Variants in NCAM2 observed in about 807,000 individuals in gnomAD.
NCAM2 encodes N-CAM-2.
A neutral mutation model predicts 98.1 loss-of-function variants in NCAM2; 30 were observed. The ratio of observed to expected loss-of-function variants is 0.31; its 90% confidence interval spans 0.23 to 0.41. The LOEUF (loss-of-function observed/expected upper bound fraction) is 0.41, where lower values mean the gene tolerates loss of function less well. Among genes scored for constraint, NCAM2 ranks in the 10% least tolerant of loss-of-function variants. The pLI is 1.00. For missense variants in NCAM2, 867 were observed against 1,005.8 expected (o/e 0.86, Z 1.87); for synonymous variants, 368 against 342.4 (o/e 1.07, Z -0.83).
chr21:21,181,558 A>G (rs1185843618), intron 1 of NCAM2, among the ~76,000 whole-genome samples: 2 of 152,272 alleles, frequency 1.3e-5, no homozygotes, highest in East Asian at 1.9e-4. Context: ...GAATGTGCCT[A>G]TGACTGATGG....
chr21:21,172,364 T>A (rs1415550357), intron 1 of NCAM2, among the ~76,000 whole-genome samples: 1 of 152,156 alleles, frequency 6.6e-6, no homozygotes, highest in Non-Finnish European at 1.5e-5. Flanking sequence ...ATGTGTTTCA[T>A]TTTGACCTAA....
intron 1 of NCAM2, among the ~76,000 whole-genome samples, chr21:21,112,177 C>T (rs374617692): frequency 4.6e-5 from 7 of 152,148 alleles, no homozygotes; most frequent in Admixed American, 1.3e-4. Flanking sequence ...CTTTTTAAAA[C>T]GGCATAATAT....
chr21:21,278,791 T>A (rs1418835571), intron 1 of NCAM2, among the ~76,000 whole-genome samples: 5 of 152,218 alleles, frequency 3.3e-5, no homozygotes. Context: ...ACCAGGGTTT[T>A]ATTTATTTAT....
intron 12 of NCAM2, among the ~76,000 whole-genome samples, chr21:21,440,155 G>A (rs1979021714): frequency 6.6e-6 from 1 of 152,106 alleles, no homozygotes; most frequent in South Asian, 2.1e-4. Flanking sequence ...TTTAAAAAAT[G>A]TGTCATTAAA....
chr21:21,335,319 T>C (rs1193588485), intron 6 of NCAM2, among the ~76,000 whole-genome samples, 186 bp from the exon 7 acceptor site: 1 of 152,160 alleles, frequency 6.6e-6, no homozygotes, highest in Non-Finnish European at 1.5e-5. Flanking sequence ...AAATTTCAAG[T>C]ATAATTTTAT....
At chr21:21,082,225 TAAAA>T (rs57713170) in intron 1 of NCAM2, among the ~76,000 whole-genome samples, 53 of 82,914 alleles carry the variant, frequency 6.4e-4, no homozygotes, top group African/African-American at 2.3e-3. Context: ...GAGAATCCTT[TAAAA>T]AAAAAAAAAA....
At chr21:21,278,287 C>T (rs2030429209) in intron 1 of NCAM2, among the ~76,000 whole-genome samples, 1 of 151,854 alleles carries the variant, frequency 6.6e-6, no homozygotes, top group Admixed American at 6.6e-5. Flanking sequence ...TCCAGTAACC[C>T]CATACATCTC....
Position 21,325,541 on chromosome 21 carries a change from A to T in NCAM2, c.737+1041A>T, listed in dbSNP as rs567712918. Among the ~76,000 whole-genome samples, 6 of 152,144 alleles carry T rather than the reference A, an allele frequency of 3.9e-5. No homozygotes were observed. In the South Asian group the frequency reaches 1.2e-3, roughly 32 times the overall value. On this transcript the variant is annotated intron_variant, in intron 6 of 17. Transcript: ENST00000400546. ...AATTTTCTTGGGACAAACTGTTGGT[A>T]TTTTTTAGTAGGATTACACCTTGAA...
chr21:21,236,932 A>G (rs2070856065), intron 1 of NCAM2, among the ~76,000 whole-genome samples: 1 of 152,184 alleles, frequency 6.6e-6, no homozygotes, highest in African/African-American at 2.4e-5. Context: ...TGTAGACAAT[A>G]GTGTTTCATT....
chr21:21,457,975 G>A (rs986556895), intron 12 of NCAM2, among the ~76,000 whole-genome samples: 1 of 152,134 alleles, frequency 6.6e-6, no homozygotes, highest in Non-Finnish European at 1.5e-5. Flanking sequence ...CATCTCAGTC[G>A]AAGCTAGGAG....
intron 16 of NCAM2, among the ~76,000 whole-genome samples, chr21:21,523,570 A>G (rs1469120472): frequency 6.6e-6 from 1 of 152,000 alleles, no homozygotes. Flanking sequence ...AATAATGGAA[A>G]CAATGTATTG....
chr21:21,301,370 C>CT (rs67139641), intron 5 of NCAM2, among the ~76,000 whole-genome samples: 22 of 146,386 alleles, frequency 1.5e-4, no homozygotes, highest in Non-Finnish European at 2.0e-4. Context: ...AGTTTGGGGT[C>CT]TTTTTTTTTT....
chr21:21,490,279 T>C (rs1986740759), intron 15 of NCAM2, among the ~76,000 whole-genome samples: 1 of 152,030 alleles, frequency 6.6e-6, no homozygotes, highest in African/African-American at 2.4e-5. Context: ...ATTCTATTAG[T>C]GTTTCTGAGA....
At chr21:21,469,271 A>G (rs886675915) in intron 14 of NCAM2, among the ~76,000 whole-genome samples, 1 of 152,028 alleles carries the variant, frequency 6.6e-6, no homozygotes, top group African/African-American at 2.4e-5. Context: ...TTTAATTAGC[A>G]CTATCCAGTA....
intron 6 of NCAM2, among the ~76,000 whole-genome samples, chr21:21,325,752 C>A (rs1004564579): frequency 6.6e-6 from 1 of 151,956 alleles, no homozygotes; most frequent in African/African-American, 2.4e-5. Context: ...ACAGAGATTT[C>A]TTTTTTCTTA....
intron 1 of NCAM2, among the ~76,000 whole-genome samples, chr21:21,033,271 C>T (rs1185179008): frequency 2.0e-5 from 3 of 152,046 alleles, no homozygotes; most frequent in Non-Finnish European, 2.9e-5. Flanking sequence ...TCATACAAGA[C>T]GAACATGTGT....
intron 1 of NCAM2, among the ~76,000 whole-genome samples, chr21:21,145,951 C>T (rs910658210): frequency 6.6e-6 from 1 of 152,086 alleles, no homozygotes; most frequent in Non-Finnish European, 1.5e-5. Context: ...GGCCAGGAAG[C>T]CTTCACAGAA....
intron 9 of NCAM2, among the ~76,000 whole-genome samples, chr21:21,403,045 T>C (rs540734295): frequency 6.6e-6 from 1 of 152,300 alleles, no homozygotes; most frequent in East Asian, 1.9e-4. Context: ...ATCTTCTTAA[T>C]GATTAGTGAT....
intron 1 of NCAM2, among the ~76,000 whole-genome samples, chr21:21,027,568 A>AT (rs893122788): frequency 6.6e-6 from 1 of 152,152 alleles, no homozygotes; most frequent in Non-Finnish European, 1.5e-5. Context: ...ATTTATAGTG[A>AT]TTTCTTCAAT....
Sources: gnomAD v4.1 joint callset for allele counts (sites outside exome capture counted in the v4.1 genomes callset) on GRCh38, gnomAD v4.1.1 for gene constraint, MANE v1.5 for transcripts, NCBI Gene and HGNC (gene_info 2026-07-23, HGNC 2026-07-21) for gene names.